The following CDKN2B-AS1 variants were observed in gnomAD, a reference collection of about 807,000 sequenced individuals.
The protein encoded by CDKN2B-AS1 is CDKN2B and CDKN2A antisense cis and trans regulatory RNA 1, also known as CDKN2B antisense RNA 1 (non-protein coding).
chr9:22,031,574 A>T (rs926444892), intron 1 of CDKN2B-AS1, among the ~76,000 whole-genome samples: 10 of 152,278 alleles, frequency 6.6e-5, no homozygotes, highest in Admixed American at 5.2e-4. Context: ...TAAAAGTAAA[A>T]TTTTTTGTAT....
At chr9:22,067,565 C>G (rs1302530524) in intron 4 of CDKN2B-AS1, among the ~76,000 whole-genome samples, 1 of 152,060 alleles carries the variant, frequency 6.6e-6, no homozygotes, top group Non-Finnish European at 1.5e-5. Flanking sequence ...CGCACGCACA[C>G]ACACACACAT....
intron 4 of CDKN2B-AS1, among the ~76,000 whole-genome samples, chr9:22,074,610 A>C (rs1254585918): frequency 6.6e-6 from 1 of 152,216 alleles, no homozygotes; most frequent in African/African-American, 2.4e-5. Flanking sequence ...GCTCATGTAG[A>C]TTCCACTGCT....
chr9:22,069,735 T>G (rs1372177124), intron 4 of CDKN2B-AS1, among the ~76,000 whole-genome samples: 1 of 152,222 alleles, frequency 6.6e-6, no homozygotes. Flanking sequence ...ATAGTCACTC[T>G]ACTGTGCAAT....
chr9:22,127,841 A>G (rs550273426), exon 5 of CDKN2B-AS1, among the ~76,000 whole-genome samples: 2 of 152,226 alleles, frequency 1.3e-5, no homozygotes, highest in Non-Finnish European at 2.9e-5. Context: ...CCCTTTGTCT[A>G]CTTCTCTAGT....
intron 1 of CDKN2B-AS1, among the ~76,000 whole-genome samples, chr9:22,013,318 T>A (rs1307290359): frequency 6.6e-6 from 1 of 152,222 alleles, no homozygotes; most frequent in Non-Finnish European, 1.5e-5. Flanking sequence ...AGCATCTTAA[T>A]TTTTACACAT....
At chr9:22,043,572 C>T (rs1210799786) in intron 1 of CDKN2B-AS1, among the ~76,000 whole-genome samples, 1 of 151,948 alleles carries the variant, frequency 6.6e-6, no homozygotes, top group Admixed American at 6.6e-5. Context: ...CAAAATGTGA[C>T]TCTACTTCCC....
chr9:22,065,916 T>C (rs1170982309), intron 4 of CDKN2B-AS1, among the ~76,000 whole-genome samples: 1 of 152,234 alleles, frequency 6.6e-6, no homozygotes, highest in East Asian at 1.9e-4. Flanking sequence ...TAGCTCTTTG[T>C]TCTGAGCATA....
intron 1 of CDKN2B-AS1, chr9:22,002,830 T>G (rs932242820): frequency 5.7e-6 from 1 of 174,210 alleles, no homozygotes; most frequent in Non-Finnish European, 1.2e-5. Flanking sequence ...GATTTTGCTT[T>G]AACAGCAAAA....
intron 1 of CDKN2B-AS1, among the ~76,000 whole-genome samples, chr9:22,011,217 G>T (rs1387089615): frequency 6.6e-6 from 1 of 152,152 alleles, no homozygotes; most frequent in Non-Finnish European, 1.5e-5. Context: ...CCGTCAAATA[G>T]AAAGGACATT....
At chr9:22,025,872 G>T (rs986236631) in intron 1 of CDKN2B-AS1, among the ~76,000 whole-genome samples, 6 of 152,148 alleles carry the variant, frequency 3.9e-5, no homozygotes, top group Non-Finnish European at 8.8e-5. Flanking sequence ...CATACTGGGG[G>T]TATGCTTTAG....
chr9:22,022,436 G>T (rs904563310), intron 1 of CDKN2B-AS1, among the ~76,000 whole-genome samples: 2 of 151,844 alleles, frequency 1.3e-5, no homozygotes, highest in Non-Finnish European at 2.9e-5. Context: ...TGTTCTTGTT[G>T]GTTTAAAGTC....
chr9:22,090,735 T>C (rs572365324), intron 4 of CDKN2B-AS1, among the ~76,000 whole-genome samples: 52 of 152,136 alleles, frequency 3.4e-4, no homozygotes, highest in South Asian at 1.5e-3. Flanking sequence ...AGCCCTTTGT[T>C]GGATGAGTAG....
Position 22,001,339 on chromosome 9 carries a change from G to A in CDKN2B-AS1, n.29+6178G>A, listed in dbSNP as rs1001694620. On this transcript the variant is annotated intron_variant and non_coding_transcript_variant, in intron 1 of 4. Coordinates refer to ENST00000650946, the Ensembl canonical transcript of CDKN2B-AS1. The surrounding 1 kb of genome is among the most constrained non-coding windows in gnomAD (Gnocchi z 4.2). Reference sequence around the variant, plus strand: ...TGGAAGTCTAATGCCAGGGGCTTCTGAGTGTGAAGTGGATTAATAGGTGTT... The same window carrying A: ...TGGAAGTCTAATGCCAGGGGCTTCTAAGTGTGAAGTGGATTAATAGGTGTT... Among the ~76,000 whole-genome samples the A allele has an allele frequency of 6.6e-6, 1 of 152,152 alleles. No homozygotes were observed. The highest frequency in any genetic ancestry group is 2.4e-5 in the African/African-American group (1 of 41,454).
At chr9:22,119,737 C>T (rs955491767) in intron 4 of CDKN2B-AS1, 2 of 152,242 alleles carry the variant, frequency 1.3e-5, no homozygotes, top group African/African-American at 4.8e-5. Context: ...GAGTGCCAGT[C>T]TGGGTCCAAA....
At chr9:22,069,616 GTATATT>G (rs1222799505) in intron 4 of CDKN2B-AS1, among the ~76,000 whole-genome samples, 1 of 152,030 alleles carries the variant, frequency 6.6e-6, no homozygotes, top group African/African-American at 2.4e-5. Flanking sequence ...TCCAATCAAG[GTATATT>G]TAGTGTACTC....
intron 4 of CDKN2B-AS1, among the ~76,000 whole-genome samples, chr9:22,126,468 C>A (rs1029879344): frequency 1.2e-4 from 18 of 151,800 alleles, no homozygotes; most frequent in African/African-American, 3.6e-4. Flanking sequence ...AATGCATTGG[C>A]CAAGGTTTAG....
At chr9:22,071,288 T>G (rs1471101978) in intron 4 of CDKN2B-AS1, among the ~76,000 whole-genome samples, 4 of 14,956 alleles carry the variant, frequency 2.7e-4, no homozygotes, top group African/African-American at 1.4e-3. Flanking sequence ...TATCTAGCTT[T>G]TTTTTTTTTT....
At chr9:22,089,225 T>C (rs1315080402) in intron 4 of CDKN2B-AS1, among the ~76,000 whole-genome samples, 2 of 152,198 alleles carry the variant, frequency 1.3e-5, no homozygotes, top group Non-Finnish European at 1.5e-5. Flanking sequence ...ACATTAACTA[T>C]GTAATAAGAC....
At chr9:22,002,622 A>G (rs958756206) in intron 1 of CDKN2B-AS1, among the ~76,000 whole-genome samples, 11 of 152,054 alleles carry the variant, frequency 7.2e-5, no homozygotes, top group African/African-American at 2.7e-4. Context: ...GCTTCATATG[A>G]TAAATTATTT....
Sources: gnomAD v4.1 joint callset for allele counts (sites outside exome capture counted in the v4.1 genomes callset) on GRCh38, gnomAD v4.1.1 for gene constraint, Gnocchi (gnomAD v3.1) non-coding constraint, MANE v1.5 for transcripts, NCBI Gene and HGNC (gene_info 2026-07-23, HGNC 2026-07-21) for gene names.